Variants in TPX2 observed in about 807,000 individuals in gnomAD.
TPX2 encodes the protein targeting protein for Xklp2.
In TPX2, 21 loss-of-function variants were observed where a neutral mutation model predicts 93.6. The ratio of observed to expected loss-of-function variants is 0.22; its 90% CI spans 0.16 to 0.32. The LOEUF is 0.32. TPX2 is among the 10% of genes least tolerant of loss of function. The pLI is 1.00. For synonymous variants in TPX2, 281 were observed against 298.3 expected (o/e 0.94, Z 0.60); for missense variants, 776 against 871.1 (o/e 0.89, Z 1.37).
chr20:31,743,879 A>G (rs2061767642), intron 2 of TPX2, among the ~76,000 whole-genome samples: 1 of 151,608 alleles, frequency 6.6e-6, no homozygotes, highest in South Asian at 2.1e-4. Context: ...GGCATGCCAC[A>G]CCTGGCTAAT....
chr20:31,743,511 C>T (rs1488716899), intron 2 of TPX2, among the ~76,000 whole-genome samples: 1 of 151,908 alleles, frequency 6.6e-6, no homozygotes, highest in Non-Finnish European at 1.5e-5. Flanking sequence ...CATAGTGGCA[C>T]CGTGTCTCTA....
intron 4 of TPX2, among the ~76,000 whole-genome samples, chr20:31,764,306 A>G (rs1262853197): frequency 2.0e-5 from 3 of 151,878 alleles, no homozygotes; most frequent in African/African-American, 7.3e-5. Context: ...AGTAGCTGGG[A>G]CCACAGATGC....
At chr20:31,758,611 A>G (rs958344330) in intron 3 of TPX2, among the ~76,000 whole-genome samples, 2 of 152,192 alleles carry the variant, frequency 1.3e-5, no homozygotes, top group African/African-American at 2.4e-5. Flanking sequence ...AGAAATCACT[A>G]TGAATATGTG....
chr20:31,778,696 A>G (rs2062016725), intron 9 of TPX2, 117 bp from the exon 10 acceptor site: 1 of 925,980 alleles, frequency 1.1e-6, no homozygotes, highest in Non-Finnish European at 1.6e-6. Context: ...CTTCAGAATA[A>G]TAATCTTGGT....
At chr20:31,769,220 A>C (rs1182428607) in intron 5 of TPX2, among the ~76,000 whole-genome samples, 7 of 150,132 alleles carry the variant, frequency 4.7e-5, no homozygotes, top group Admixed American at 6.6e-5. Flanking sequence ...AAAAAAAAAA[A>C]CCACAAAATT....
intron 4 of TPX2, among the ~76,000 whole-genome samples, chr20:31,761,185 C>G (rs928854930): frequency 6.6e-6 from 1 of 151,630 alleles, no homozygotes; most frequent in African/African-American, 2.4e-5. Context: ...CCTGTCACCC[C>G]TCCTTCAATT....
intron 5 of TPX2, among the ~76,000 whole-genome samples, chr20:31,769,371 T>C (rs150519337): frequency 0.017 from 2,573 of 149,132 alleles, 78 homozygotes; most frequent in African/African-American, 0.06. Context: ...TAGGCTGGAG[T>C]GCAGTGGTGC....
At chr20:31,756,059 A>G (rs2061849623) in intron 2 of TPX2, among the ~76,000 whole-genome samples, 1 of 152,176 alleles carries the variant, frequency 6.6e-6, no homozygotes, top group Admixed American at 6.5e-5. Context: ...CAGAAATAGT[A>G]TTTTTTGAGA....
intron 7 of TPX2, among the ~76,000 whole-genome samples, chr20:31,772,175 C>T (rs759716225): frequency 2.0e-5 from 3 of 152,040 alleles, no homozygotes; most frequent in Non-Finnish European, 2.9e-5. Flanking sequence ...TGTGCACCAC[C>T]ACACCCGGCT....
intron 2 of TPX2, among the ~76,000 whole-genome samples, chr20:31,753,815 C>G (rs1321390878): frequency 6.6e-6 from 1 of 152,162 alleles, no homozygotes; most frequent in Non-Finnish European, 1.5e-5. Flanking sequence ...CACCTGAGGT[C>G]AGGAGTTCAA....
At chr20:31,783,664 T>C in intron 11 of TPX2, 41 bp from the exon 12 acceptor site, 21 of 1,567,070 alleles carry the variant, frequency 1.3e-5, no homozygotes, top group Non-Finnish European at 1.6e-5. Context: ...TTTCATTTTA[T>C]TAAAATTTTT....
At chr20:31,773,663 A>C (rs2061978198) in intron 7 of TPX2, among the ~76,000 whole-genome samples, 1 of 152,086 alleles carries the variant, frequency 6.6e-6, no homozygotes, top group African/African-American at 2.4e-5. Flanking sequence ...TAACTTATAA[A>C]ATTGTTTCTT....
intron 2 of TPX2, among the ~76,000 whole-genome samples, chr20:31,747,800 G>C (rs1447587102): frequency 7.6e-6 from 1 of 131,832 alleles, no homozygotes; most frequent in Non-Finnish European, 1.6e-5. Context: ...GGTGAGACCT[G>C]TTGACAGAAA....
intron 12 of TPX2, among the ~76,000 whole-genome samples, chr20:31,785,813 A>G (rs1415750631): frequency 6.6e-6 from 1 of 152,140 alleles, no homozygotes; most frequent in African/African-American, 2.4e-5. Flanking sequence ...CTTGCTTTTA[A>G]TAACATATTT....
chr20:31,792,452 G>A (rs2062107956), intron 12 of TPX2, among the ~76,000 whole-genome samples: 1 of 152,148 alleles, frequency 6.6e-6, no homozygotes, highest in South Asian at 2.1e-4. Context: ...TGACAATTTG[G>A]TGTTCTTTCC....
chr20:31,749,760 A>C (rs2122958230), intron 2 of TPX2, among the ~76,000 whole-genome samples: 1 of 152,212 alleles, frequency 6.6e-6, no homozygotes, highest in East Asian at 1.9e-4. Context: ...GTGCCACTGC[A>C]TTCCAGCCTG....
chr20:31,769,308 A>C (rs924942788), intron 5 of TPX2, among the ~76,000 whole-genome samples: 2 of 147,744 alleles, frequency 1.4e-5, no homozygotes, highest in Admixed American at 6.7e-5. Context: ...GAAATTATCT[A>C]ATGATCACGC....
intron 15 of TPX2, among the ~76,000 whole-genome samples, chr20:31,794,757 T>G (rs1247176069): frequency 8.3e-6 from 1 of 121,060 alleles, no homozygotes; most frequent in African/African-American, 3.1e-5. Flanking sequence ...TGTCGCATAG[T>G]GTGTGTGTGT....
chr20:31,766,674 G>C lies in TPX2; in HGVS notation c.348G>C (p.Gln116His), dbSNP rs761145457. Reference protein sequence around the residue: ...EAAISRKTPAQPQRRSLRLSA... With the variant: ...EAAISRKTPAHPQRRSLRLSA... ...CCATATCAAGAAAAACTCCAGCCCAGCCTCAGAGGTAAGACTTTGGAATCT... is the reference window on the plus strand; with the variant it reads ...CCATATCAAGAAAAACTCCAGCCCACCCTCAGAGGTAAGACTTTGGAATCT... The change falls in exon 5 of 18, where the codon CAG (glutamine) becomes CAC (histidine). Residue 116 changes from glutamine (Q) to histidine (H), a missense_variant. Coordinates refer to ENST00000300403, the MANE Select transcript of TPX2 (RefSeq NM_012112.5). 1 of 1,612,378 alleles carries C rather than the reference G, an allele frequency of 6.2e-7. No homozygotes were observed. Among genetic ancestry groups the C allele is most frequent in the Admixed American group, 1.7e-5 (1 of 59,616 alleles).
Sources: allele counts gnomAD v4.1 joint callset (sites outside exome capture counted in the v4.1 genomes callset), GRCh38; gene constraint gnomAD v4.1.1; transcripts MANE v1.5; gene names NCBI Gene and HGNC (gene_info 2026-07-23, HGNC 2026-07-21).